Variants in ANKRD33B observed in about 807,000 individuals in gnomAD.
ANKRD33B encodes the protein ankyrin repeat domain 33B.
ANKRD33B carries 6 observed loss-of-function variants against 21.5 expected under a neutral mutation model. The ratio of observed to expected loss-of-function variants is 0.28; its 90% CI spans 0.15 to 0.55. The LOEUF (loss-of-function observed/expected upper bound fraction) is 0.55, where lower values mean the gene tolerates loss of function less well. Ranked by LOEUF, ANKRD33B falls within the 20% of genes least tolerant of loss-of-function variation. ANKRD33B has a pLI of 0.94. For missense variants in ANKRD33B, 698 were observed against 747.2 expected, an observed-to-expected ratio of 0.93 and a Z score of 0.77; for synonymous variants, 347 against 342.4, an observed-to-expected ratio of 1.01 and a Z score of -0.15.
intron 1 of ANKRD33B, among the ~76,000 whole-genome samples, chr5:10,568,378 C>T (rs1227306397): frequency 3.3e-5 from 5 of 152,162 alleles, no homozygotes; most frequent in Non-Finnish European, 4.4e-5. Context: ...ATGGCCTTGG[C>T]GGCTCTTGAG....
At chr5:10,628,478 G>A (rs994832450) in intron 2 of ANKRD33B, among the ~76,000 whole-genome samples, 1 of 151,776 alleles carries the variant, frequency 6.6e-6, no homozygotes, top group African/African-American at 2.4e-5. Context: ...CATTGCGCTC[G>A]GCCAGCCCAG....
At chr5:10,591,995 A>T (rs1735705705) in intron 1 of ANKRD33B, among the ~76,000 whole-genome samples, 1 of 151,968 alleles carries the variant, frequency 6.6e-6, no homozygotes. Flanking sequence ...CTATTTTAGG[A>T]TATAAGTATG....
intron 2 of ANKRD33B, among the ~76,000 whole-genome samples, chr5:10,631,559 C>T (rs912246974): frequency 1.3e-5 from 2 of 152,184 alleles, no homozygotes; most frequent in Non-Finnish European, 2.9e-5. Flanking sequence ...CGCCTCTGGC[C>T]AGAAGCCAGA....
intron 2 of ANKRD33B, among the ~76,000 whole-genome samples, chr5:10,637,611 G>T (rs1469849548): frequency 1.3e-5 from 2 of 152,062 alleles, no homozygotes; most frequent in African/African-American, 4.8e-5. Context: ...ACTTGGAAGC[G>T]GTTCTGAAGC....
chr5:10,570,074 G>A (rs1195756610), intron 1 of ANKRD33B, among the ~76,000 whole-genome samples: 3 of 152,028 alleles, frequency 2.0e-5, no homozygotes, highest in South Asian at 2.1e-4. Context: ...ACGGGGTTGC[G>A]CCATGTTGGC....
chr5:10,619,515 A>G lies in ANKRD33B; in HGVS notation c.496+1053A>G. On this transcript the variant is annotated intron_variant, in intron 2 of 3. Transcript: ENST00000296657. This position sits in a 1 kb window ranked among gnomAD's most constrained non-coding sequence, Gnocchi z 4.5. ...GGTGGGGGGCCAGGGAGGCTGGAAA[A>G]CCAGTGTTTGACAGTTTCATCCCCT... 1 of 377,336 alleles carries G rather than the reference A, an allele frequency of 2.7e-6. No homozygotes were observed. The allele number at this position is 377,336 out of a possible 1,614,324, so 23.4% of individuals were successfully genotyped here.
Position 10,650,088 on chromosome 5 carries a change from C to G in ANKRD33B, c.1460C>G (p.Thr487Ser). 2 of 1,526,656 alleles carry G rather than the reference C, an allele frequency of 1.3e-6. No individual in the cohort carries two copies. The highest frequency in any genetic ancestry group is 1.8e-6 in the Non-Finnish European group (2 of 1,141,428). The allele number at this position is 1,526,656 out of a possible 1,614,324, so 94.6% of individuals were successfully genotyped here. Reference protein sequence around the residue: ...RQAEAQKERRTAPWKKRT With the variant: ...RQAEAQKERRSAPWKKRT Reference sequence around the variant, plus strand: ...GCCGAGGCGCAGAAGGAGAGGCGCACTGCGCCCTGGAAGAAGAGGACGTGA... The same window carrying G: ...GCCGAGGCGCAGAAGGAGAGGCGCAGTGCGCCCTGGAAGAAGAGGACGTGA... Residue 487 changes from threonine to serine, a missense_variant, in exon 4 of 4, where the codon ACT (threonine) becomes AGT (serine). Physicochemically the swap from Thr to Ser is moderately conservative, Grantham distance 58 (BLOSUM62 1). This residue lies in a region of ANKRD33B where 543 missense variants were observed against 566.5 expected (regional missense o/e 0.96). Coordinates refer to ENST00000296657, the MANE Select transcript of ANKRD33B (RefSeq NM_001164440.2).
chr5:10,624,254 C>G (rs1373996917), intron 2 of ANKRD33B, among the ~76,000 whole-genome samples: 2 of 151,436 alleles, frequency 1.3e-5, no homozygotes, highest in Non-Finnish European at 2.9e-5. Context: ...CTCAGCCTCC[C>G]GAGTAGCTGA....
At chr5:10,567,464 G>A (rs1735087439) in intron 1 of ANKRD33B, among the ~76,000 whole-genome samples, 2 of 152,214 alleles carry the variant, frequency 1.3e-5, no homozygotes, top group South Asian at 4.1e-4. Context: ...GAGGAAGAGC[G>A]GCTAGCTGAG....
In ANKRD33B at chr5:10,576,207, C is replaced by A. The variant is rs1357732205; in HGVS notation, c.366+11374C>A. On this transcript the variant is annotated intron_variant, in intron 1 of 3. Transcript: ENST00000296657. This position sits in a 1 kb window ranked among gnomAD's most constrained non-coding sequence, Gnocchi z 4.1. ...GCACGCATGACCTTTTTCCTGTAGC[C>A]TTGTTTCCATGAATCGATTGAATTT... is the stretch of plus-strand genomic sequence containing the variant. Among the ~76,000 whole-genome samples, 1 of 152,140 alleles carries A rather than the reference C, an allele frequency of 6.6e-6. No individual in the cohort carries two copies. Among genetic ancestry groups the A allele is most frequent in the Non-Finnish European group, 1.5e-5 (1 of 68,030 alleles).
rs527850034 is a variant in ANKRD33B, at chr5:10,639,051, A to C, written c.637+883A>C. 1.1e-4 allele frequency among the ~76,000 whole-genome samples: 8 copies of C among 73,180 alleles called. No homozygotes were observed. The East Asian group carries it at 1.9e-3, about 17-fold the overall frequency. 48.0% of individuals were successfully genotyped at this position (73,180 alleles called of 152,430 possible). On this transcript the variant is annotated intron_variant, in intron 3 of 3. Transcript: ENST00000296657. ...GCGGCGATGTTAGCGGGTGACGCGGAGTTGCGCGGCGATGTTAGCGGGTGA... is the reference window on the plus strand; with the variant it reads ...GCGGCGATGTTAGCGGGTGACGCGGCGTTGCGCGGCGATGTTAGCGGGTGA...
At chr5:10,590,599 CGCGCGCGCGT>C (rs1226546915) in intron 1 of ANKRD33B, among the ~76,000 whole-genome samples, 3 of 142,574 alleles carry the variant, frequency 2.1e-5, no homozygotes, top group South Asian at 4.3e-4. Flanking sequence ...TGCGCGCGCG[CGCGCGCGCGT>C]GTGTGTGTGT....
intron 3 of ANKRD33B, 98 bp from the exon 4 acceptor site, chr5:10,649,168 G>C (rs1231337805): frequency 7.0e-7 from 1 of 1,438,446 alleles, no homozygotes; most frequent in African/African-American, 1.4e-5. Context: ...GCCAGGGGTG[G>C]GGGGTGGGGG....
intron 1 of ANKRD33B, among the ~76,000 whole-genome samples, chr5:10,615,724 T>C (rs997021790): frequency 6.6e-6 from 1 of 152,272 alleles, no homozygotes; most frequent in Non-Finnish European, 1.5e-5. Flanking sequence ...AAGGAAGATG[T>C]TACATTATGT....
chr5:10,579,375 C>G (rs1735393564), intron 1 of ANKRD33B, among the ~76,000 whole-genome samples: 1 of 150,394 alleles, frequency 6.6e-6, no homozygotes, highest in Non-Finnish European at 1.5e-5. Flanking sequence ...TTGGAAAAAC[C>G]ATTTGGAAAA....
At chr5:10,628,145 T>G (rs1736624679) in intron 2 of ANKRD33B, 1 of 152,282 alleles carries the variant, frequency 6.6e-6, no homozygotes, top group Non-Finnish European at 1.5e-5. Flanking sequence ...ACAACCCAAT[T>G]CTGTAACATT....
At chr5:10,614,356 A>G (rs562147963) in intron 1 of ANKRD33B, among the ~76,000 whole-genome samples, 7 of 152,364 alleles carry the variant, frequency 4.6e-5, no homozygotes, top group Non-Finnish European at 1.0e-4. Context: ...CCAAATACCT[A>G]GGTACTACTG....
In ANKRD33B at chr5:10,641,801, TA is replaced by T. The variant is rs112089497; in HGVS notation, c.637+3644del. Among the ~76,000 whole-genome samples, 697 of 148,872 alleles carry T rather than the reference TA, an allele frequency of 4.7e-3. 5 individuals carry two copies. The highest frequency in any genetic ancestry group is 0.013 in the African/African-American group (530 of 40,516). ...TCAAAGATGAAAACTTTCTTGGAAA[TA>T]AAAAAAAAAACATAATTAAAAACGA... On this transcript the variant is annotated intron_variant, in intron 3 of 3. Transcript: ENST00000296657.
At chr5:10,593,403 C>A (rs1324252575) in intron 1 of ANKRD33B, among the ~76,000 whole-genome samples, 1 of 152,152 alleles carries the variant, frequency 6.6e-6, no homozygotes, top group East Asian at 1.9e-4. Context: ...TGACAGAATA[C>A]TTTCCTCCCC....
Sources: allele counts gnomAD v4.1 joint callset (sites outside exome capture counted in the v4.1 genomes callset), GRCh38; gene constraint gnomAD v4.1.1; regional missense constraint gnomAD v4.1.1; non-coding constraint Gnocchi (gnomAD v3.1); transcripts MANE v1.5; gene names NCBI Gene and HGNC (gene_info 2026-07-23, HGNC 2026-07-21).